EIF4G3: variants seen among roughly 807,000 people sequenced by gnomAD.
EIF4G3 encodes the protein eukaryotic translation initiation factor 4 gamma 3.
In EIF4G3, 34 loss-of-function variants were observed where a neutral mutation model predicts 186.4. The observed-to-expected ratio is 0.18, with a 90% confidence interval of 0.14 to 0.24. The LOEUF is 0.24. Among genes scored for constraint, EIF4G3 ranks in the 10% least tolerant of loss-of-function variants. EIF4G3 has a pLI of 1.00. For missense variants in EIF4G3, 1,536 were observed against 1,948.5 expected (o/e 0.79, Z 3.99); for synonymous variants, 673 against 679.5 (o/e 0.99, Z 0.15).
At position 20,879,311 on chromosome 1, in the gene EIF4G3, C is replaced by G; in HGVS notation, c.2622+12G>C. ...TGAAGATTTCTCGTTTTACTCCTTC[C>G]TCTCTTCTTACCGTTACTAGACATC... On this transcript the variant is annotated intron_variant, in intron 20 of 36. Coordinates refer to ENST00000602326, the MANE Select transcript of EIF4G3 (RefSeq NM_001391906.1). The G allele has an allele frequency of 1.9e-6, 3 of 1,567,484 alleles. No individual in the cohort carries two copies. Among genetic ancestry groups the G allele is most frequent in the Non-Finnish European group, 2.6e-6 (3 of 1,156,152 alleles).
chr1:21,089,057 C>A, intron 3 of EIF4G3, 81 bp downstream of exon 3: 1 of 657,418 alleles, frequency 1.5e-6, no homozygotes, highest in South Asian at 1.7e-5. Flanking sequence ...ATGTGTCAAT[C>A]AAACAAACAC....
At chr1:20,841,922 A>AG (rs1175670225) in intron 29 of EIF4G3, among the ~76,000 whole-genome samples, 1 of 152,092 alleles carries the variant, frequency 6.6e-6, no homozygotes, top group Non-Finnish European at 1.5e-5. Context: ...GTAGGTAGGA[A>AG]GGGTGATGAA....
chr1:20,863,026 C>T (rs554973028), intron 22 of EIF4G3, among the ~76,000 whole-genome samples: 1 of 152,188 alleles, frequency 6.6e-6, no homozygotes, highest in Admixed American at 6.5e-5. Context: ...TGAGCTCAAA[C>T]AATCCTTCTG....
intron 30 of EIF4G3, among the ~76,000 whole-genome samples, chr1:20,831,068 C>T (rs905137295): frequency 3.9e-5 from 6 of 152,132 alleles, no homozygotes; most frequent in African/African-American, 1.4e-4. Flanking sequence ...ATGTAGTGAC[C>T]ATCACAGTCA....
chr1:20,809,859 T>C (rs747918345), intron 36 of EIF4G3, among the ~76,000 whole-genome samples: 1 of 152,264 alleles, frequency 6.6e-6, no homozygotes, highest in Non-Finnish European at 1.5e-5. Context: ...ATGGTATGGA[T>C]ATATACTACC....
At chr1:20,998,806 T>A (rs1244137596) in intron 6 of EIF4G3, 1 of 415,440 alleles carries the variant, frequency 2.4e-6, no homozygotes, top group Admixed American at 2.8e-5. Flanking sequence ...AAAGAAAATA[T>A]TTAGAAAGCA....
At chr1:21,045,490 C>A (rs1029450976) in intron 4 of EIF4G3, among the ~76,000 whole-genome samples, 1 of 152,118 alleles carries the variant, frequency 6.6e-6, no homozygotes, top group Admixed American at 6.5e-5. Context: ...CAAATGAAAT[C>A]CAGAAACAGC....
intron 4 of EIF4G3, among the ~76,000 whole-genome samples, chr1:21,033,183 T>C (rs1053583653): frequency 1.3e-5 from 2 of 152,216 alleles, no homozygotes; most frequent in African/African-American, 4.8e-5. Flanking sequence ...ACCTGATGTG[T>C]AAGTTTTTGT....
At chr1:21,154,661 A>G (rs1011195460) in intron 2 of EIF4G3, among the ~76,000 whole-genome samples, 6 of 152,204 alleles carry the variant, frequency 3.9e-5, no homozygotes, top group Non-Finnish European at 5.9e-5. Context: ...GAACACAAAT[A>G]GAAGTTCCTT....
intron 14 of EIF4G3, among the ~76,000 whole-genome samples, chr1:20,906,811 T>TACACACACAC (rs35477773): frequency 6.7e-6 from 1 of 149,666 alleles, no homozygotes; most frequent in African/African-American, 2.5e-5. Context: ...AAAAACTGGA[T>TACACACACAC]ACACACACAC....
chr1:21,074,297 G>A (rs188254218), intron 3 of EIF4G3, among the ~76,000 whole-genome samples: 2 of 152,092 alleles, frequency 1.3e-5, no homozygotes, highest in Non-Finnish European at 2.9e-5. Flanking sequence ...AGCTGTGGCA[G>A]TCAAAAACAT....
intron 10 of EIF4G3, among the ~76,000 whole-genome samples, chr1:20,976,561 A>G (rs928155500): frequency 6.6e-6 from 1 of 152,190 alleles, no homozygotes; most frequent in Admixed American, 6.5e-5. Context: ...ATAATGTGAA[A>G]CCAATGGTGC....
At chr1:21,055,889 T>G (rs1017931785) in intron 3 of EIF4G3, among the ~76,000 whole-genome samples, 13 of 152,152 alleles carry the variant, frequency 8.5e-5, no homozygotes, top group East Asian at 5.8e-4. Flanking sequence ...GCTATGTTTC[T>G]TACAGAACTG....
At chr1:21,072,955 G>C (rs1415380214) in intron 3 of EIF4G3, among the ~76,000 whole-genome samples, 1 of 152,068 alleles carries the variant, frequency 6.6e-6, no homozygotes, top group East Asian at 1.9e-4. Context: ...AAGAACCTTT[G>C]GAGATCAGCA....
At chr1:20,914,781 T>C (rs2093675234) in intron 14 of EIF4G3, among the ~76,000 whole-genome samples, 1 of 152,232 alleles carries the variant, frequency 6.6e-6, no homozygotes, top group South Asian at 2.1e-4. Flanking sequence ...CAGAGATATT[T>C]TTCTCACTGA....
At chr1:21,079,506 G>GA (rs35855765) in intron 3 of EIF4G3, among the ~76,000 whole-genome samples, 55,232 of 100,462 alleles carry the variant, frequency 0.55, 14,374 homozygotes, top group East Asian at 0.78. Flanking sequence ...TGTCTCTACA[G>GA]AAAAAAAAAA....
chr1:21,107,674 G>C (rs2096641272), intron 2 of EIF4G3, among the ~76,000 whole-genome samples: 1 of 152,084 alleles, frequency 6.6e-6, no homozygotes, highest in Non-Finnish European at 1.5e-5. Flanking sequence ...CAAGTTATTT[G>C]ATTTCTGTTT....
chr1:21,075,739 T>TACCATATG (rs1204669173), intron 3 of EIF4G3, among the ~76,000 whole-genome samples: 1 of 151,814 alleles, frequency 6.6e-6, no homozygotes, highest in Non-Finnish European at 1.5e-5. Context: ...AGAAAAGGTA[T>TACCATATG]ACCATATGAT....
chr1:20,918,649 G>A (rs911170285), intron 14 of EIF4G3, among the ~76,000 whole-genome samples: 3 of 144,442 alleles, frequency 2.1e-5, no homozygotes, highest in Non-Finnish European at 4.5e-5. Flanking sequence ...AAAATCTTAC[G>A]TTTTTGCTAT....
Sources: gnomAD v4.1 joint callset for allele counts (sites outside exome capture counted in the v4.1 genomes callset) on GRCh38, gnomAD v4.1.1 for gene constraint, MANE v1.5 for transcripts, NCBI Gene and HGNC (gene_info 2026-07-23, HGNC 2026-07-21) for gene names.